Variants in PTPRT observed in about 807,000 individuals in gnomAD.
The protein encoded by PTPRT is protein tyrosine phosphatase receptor type T, also known as receptor-type tyrosine-protein phosphatase T.
PTPRT carries 56 observed loss-of-function variants against 176.8 expected under a neutral mutation model. That is an observed-to-expected ratio of 0.32 (90% CI 0.26 to 0.40). The LOEUF (loss-of-function observed/expected upper bound fraction) is 0.40, where lower values mean the gene tolerates loss of function less well. PTPRT is among the 10% of genes least tolerant of loss of function. The probability of loss-of-function intolerance (pLI) is 1.00; values close to 1 mark genes in which losing one functional copy is unlikely to be tolerated. For synonymous variants in PTPRT, 783 were observed against 739.0 expected (o/e 1.06, Z -0.96); for missense variants, 1,540 against 1,908.2 (o/e 0.81, Z 3.60).
chr20:42,600,561 C>T lies in PTPRT; in HGVS notation c.1153+77305G>A, dbSNP rs112807604. Among the ~76,000 whole-genome samples, 937 of 152,192 alleles carry T rather than the reference C, an allele frequency of 6.2e-3. 16 individuals are homozygous for T. Among genetic ancestry groups the T allele is most frequent in the African/African-American group, 0.021 (887 of 41,516 alleles). On this transcript the variant is annotated intron_variant, in intron 7 of 30. Coordinates refer to ENST00000373187, the MANE Select transcript of PTPRT (RefSeq NM_007050.6). Reference sequence around the variant, plus strand: ...AGTTGGCTTTTAGCGTCCATATCACCGGATAGTGTACATTGCGCCGATAGG... The same window carrying T: ...AGTTGGCTTTTAGCGTCCATATCACTGGATAGTGTACATTGCGCCGATAGG...
At chr20:42,169,930 A>G (rs755871050) in intron 16 of PTPRT, among the ~76,000 whole-genome samples, 1 of 152,166 alleles carries the variant, frequency 6.6e-6, no homozygotes, top group Non-Finnish European at 1.5e-5. Context: ...TGATGTCCCT[A>G]CGCCATCAAG....
chr20:42,762,725 C>A (rs1701173754), intron 5 of PTPRT, among the ~76,000 whole-genome samples: 1 of 152,238 alleles, frequency 6.6e-6, no homozygotes, highest in African/African-American at 2.4e-5. Context: ...AGAAGGTGAA[C>A]CCCTTTTCTT....
At chr20:43,169,610 T>C (rs2014945426) in intron 1 of PTPRT, among the ~76,000 whole-genome samples, 1 of 152,262 alleles carries the variant, frequency 6.6e-6, no homozygotes, top group Non-Finnish European at 1.5e-5. Context: ...GTCAACTCTC[T>C]GCACAATTCT....
chr20:42,394,036 A>G (rs2058825716), intron 9 of PTPRT, among the ~76,000 whole-genome samples: 1 of 147,792 alleles, frequency 6.8e-6, no homozygotes, highest in South Asian at 2.1e-4. Context: ...TGAAGATGTG[A>G]CAGGTCTTTT....
chr20:42,610,020 G>A (rs185924959), intron 7 of PTPRT, among the ~76,000 whole-genome samples: 7 of 152,326 alleles, frequency 4.6e-5, no homozygotes, highest in Admixed American at 2.6e-4. Context: ...ATTCAGATGG[G>A]TGGCGGGAAG....
At chr20:42,792,589 A>T (rs1367933556) in intron 2 of PTPRT, among the ~76,000 whole-genome samples, 1 of 152,246 alleles carries the variant, frequency 6.6e-6, no homozygotes, top group Non-Finnish European at 1.5e-5. Flanking sequence ...TCTATGAAAT[A>T]AACTGCATCA....
intron 2 of PTPRT, among the ~76,000 whole-genome samples, chr20:42,879,623 A>G (rs554583249): frequency 2.2e-4 from 33 of 152,268 alleles, no homozygotes; most frequent in Middle Eastern, 3.4e-3. Flanking sequence ...TAGACACATG[A>G]GCAGTTAGAG....
At chr20:42,248,321 G>T (rs1341154502) in intron 14 of PTPRT, among the ~76,000 whole-genome samples, 1 of 152,188 alleles carries the variant, frequency 6.6e-6, no homozygotes, top group East Asian at 1.9e-4. Flanking sequence ...TGCGTTTCTG[G>T]ACTGATCCAT....
chr20:42,336,099 TTA>T (rs2058035733), intron 11 of PTPRT, among the ~76,000 whole-genome samples: 1 of 152,134 alleles, frequency 6.6e-6, no homozygotes, highest in African/African-American at 2.4e-5. Context: ...TTTAAATTAA[TTA>T]TGTAATAATA....
intron 7 of PTPRT, among the ~76,000 whole-genome samples, chr20:42,577,918 C>T (rs1283934118): frequency 1.6e-5 from 2 of 121,766 alleles, no homozygotes; most frequent in Non-Finnish European, 1.6e-5. Context: ...CAGACCTGAG[C>T]GAGGCTGTGT....
At chr20:42,099,231 C>T (rs1306256735) in intron 26 of PTPRT, among the ~76,000 whole-genome samples, 2 of 150,840 alleles carry the variant, frequency 1.3e-5, no homozygotes, top group Non-Finnish European at 2.9e-5. Flanking sequence ...TTTTTTTTGG[C>T]GGGGTGGGTG....
intron 16 of PTPRT, among the ~76,000 whole-genome samples, chr20:42,190,210 C>G (rs1021657213): frequency 1.3e-5 from 2 of 152,146 alleles, no homozygotes; most frequent in African/African-American, 4.8e-5. Flanking sequence ...ATTTTTGCAT[C>G]TTTGAGTTCT....
chr20:42,551,829 T>G (rs2072776251), intron 7 of PTPRT, among the ~76,000 whole-genome samples: 2 of 152,192 alleles, frequency 1.3e-5, no homozygotes, highest in Non-Finnish European at 2.9e-5. Context: ...CCTTGAGTAC[T>G]TTGTTTTCCT....
chr20:42,209,385 T>G (rs2055559947), intron 15 of PTPRT, among the ~76,000 whole-genome samples: 1 of 151,698 alleles, frequency 6.6e-6, no homozygotes, highest in African/African-American at 2.4e-5. Flanking sequence ...ATCTACAAAA[T>G]TGATAGACTG....
At position 43,189,584 on chromosome 20, in the gene PTPRT, G is replaced by A. The variant is rs2146499000; in HGVS notation, c.88+62C>T. The A allele has an allele frequency of 9.2e-7, 1 of 1,091,778 alleles. No homozygotes were observed. Among genetic ancestry groups the A allele is most frequent in the East Asian group, 3.6e-5 (1 of 27,942 alleles). The allele number at this position is 1,091,778 out of a possible 1,614,324, so 67.6% of individuals were successfully genotyped here. On this transcript the variant is annotated intron_variant, in intron 1 of 30. Coordinates refer to ENST00000373187, the MANE Select transcript of PTPRT (RefSeq NM_007050.6). The surrounding 1 kb of genome is among the most constrained non-coding windows in gnomAD (Gnocchi z 5.0). ...TTTCTCCTCCGAGGGCCCCGCGGCT[G>A]GGGGCCCGCGCGCATCCAGGAGGGA...
intron 1 of PTPRT, among the ~76,000 whole-genome samples, chr20:43,071,876 G>T (rs1280996737): frequency 6.6e-6 from 1 of 152,222 alleles, no homozygotes; most frequent in East Asian, 1.9e-4. Context: ...TTCCCACAGG[G>T]AGGCAATGCA....
intron 11 of PTPRT, among the ~76,000 whole-genome samples, chr20:42,340,729 G>A (rs1014445318): frequency 6.6e-5 from 10 of 152,198 alleles, no homozygotes; most frequent in African/African-American, 2.4e-4. Flanking sequence ...CCTTTGGGCA[G>A]TTGCGGACAG....
At chr20:42,984,328 C>T (rs1421310980) in intron 1 of PTPRT, among the ~76,000 whole-genome samples, 2 of 152,174 alleles carry the variant, frequency 1.3e-5, no homozygotes, top group African/African-American at 4.8e-5. Flanking sequence ...AAGAGACAGA[C>T]AGAAAAAGTC....
intron 29 of PTPRT, 31 bp downstream of exon 29, chr20:42,084,651 A>T: frequency 7.2e-7 from 1 of 1,396,318 alleles, no homozygotes; most frequent in South Asian, 2.1e-5. Context: ...CCACCACCCT[A>T]TTGCCCTGGT....
Sources: allele counts gnomAD v4.1 joint callset (sites outside exome capture counted in the v4.1 genomes callset), GRCh38; gene constraint gnomAD v4.1.1; non-coding constraint Gnocchi (gnomAD v3.1); transcripts MANE v1.5; gene names NCBI Gene and HGNC (gene_info 2026-07-23, HGNC 2026-07-21).